Variants in DCUN1D4 observed in about 807,000 individuals in gnomAD.
The protein encoded by DCUN1D4 is defective in cullin neddylation 1 domain containing 4.
A neutral mutation model predicts 47.9 loss-of-function variants in DCUN1D4; 22 were observed. That is an observed-to-expected ratio of 0.46 (90% CI 0.33 to 0.66). DCUN1D4 has a LOEUF of 0.66. DCUN1D4 is among the 30% of genes least tolerant of loss of function. The pLI, the probability that DCUN1D4 is intolerant of heterozygous loss-of-function variation, is 0.02. For missense variants in DCUN1D4, 301 were observed against 340.8 expected (o/e 0.88, Z 0.92); for synonymous variants, 121 against 112.2 (o/e 1.08, Z -0.50).
intron 4 of DCUN1D4, among the ~76,000 whole-genome samples, chr4:51,876,574 A>T (rs1340431312): frequency 1.3e-5 from 2 of 152,238 alleles, no homozygotes; most frequent in African/African-American, 4.8e-5. Context: ...ATAATACAAA[A>T]AAAAAAGGAT....
intron 5 of DCUN1D4, 107 bp downstream of exon 5, chr4:51,877,961 G>T: frequency 1.5e-6 from 1 of 652,396 alleles, no homozygotes; most frequent in Admixed American, 2.7e-5. Flanking sequence ...TTGGGTGTGT[G>T]TGTGTGTGTG....
intron 1 of DCUN1D4, among the ~76,000 whole-genome samples, chr4:51,862,960 A>G (rs977323372): frequency 9.2e-5 from 14 of 152,304 alleles, no homozygotes; most frequent in Non-Finnish European, 1.8e-4. Context: ...GCAGTGAACC[A>G]TGATTGCACC....
chr4:51,887,445 T>C (rs1729689985), intron 6 of DCUN1D4, among the ~76,000 whole-genome samples: 1 of 152,208 alleles, frequency 6.6e-6, no homozygotes, highest in Non-Finnish European at 1.5e-5. Context: ...TTATTTTTAA[T>C]TAGAGTGATT....
At chr4:51,844,371 G>T in intron 1 of DCUN1D4, 3 of 985,032 alleles carry the variant, frequency 3.0e-6, no homozygotes, top group Non-Finnish European at 3.6e-6. Context: ...GGAACTGGCC[G>T]TGGTTCCCCC....
chr4:51,900,378 AC>A (rs1292299406), intron 8 of DCUN1D4, among the ~76,000 whole-genome samples: 1 of 152,006 alleles, frequency 6.6e-6, no homozygotes, highest in Non-Finnish European at 1.5e-5. Flanking sequence ...GATGTTAAAA[AC>A]GATAAGGTGA....
chr4:51,833,951 G>A, the DCUN1D4 span, among the ~76,000 whole-genome samples: 1 of 151,852 alleles, frequency 6.6e-6, no homozygotes, highest in Non-Finnish European at 1.5e-5. Context: ...TGTATACCAA[G>A]AGTAGAAGGG....
At chr4:51,846,919 G>C (rs1217272308) in intron 1 of DCUN1D4, among the ~76,000 whole-genome samples, 1 of 152,184 alleles carries the variant, frequency 6.6e-6, no homozygotes, top group Non-Finnish European at 1.5e-5. Flanking sequence ...GCCTGGATTG[G>C]AAAGCAGGGA....
intron 1 of DCUN1D4, among the ~76,000 whole-genome samples, chr4:51,855,962 G>A (rs181145460): frequency 7.9e-5 from 12 of 152,240 alleles, no homozygotes; most frequent in African/African-American, 2.2e-4. Flanking sequence ...CCCATATCAC[G>A]TGGTACAATT....
Position 51,911,185 on chromosome 4 carries a change from G to A in DCUN1D4, c.720+11G>A, listed in dbSNP as rs570762374. 6.2e-7 allele frequency: 1 copy of A among 1,600,932 alleles called. No homozygotes were observed. The highest frequency in any genetic ancestry group is 1.3e-5 in the African/African-American group (1 of 74,346). ...CACCAATTCTTAGAGGTACCAAATT[G>A]TTGTTTTATGAAATGTATGTTTGCT... On this transcript the variant is annotated intron_variant, in intron 9 of 10. Coordinates refer to ENST00000334635, the MANE Select transcript of DCUN1D4 (RefSeq NM_001040402.3).
intron 6 of DCUN1D4, among the ~76,000 whole-genome samples, chr4:51,888,374 C>T (rs1408035171): frequency 6.6e-6 from 1 of 152,132 alleles, no homozygotes; most frequent in Non-Finnish European, 1.5e-5. Context: ...TTCAAGTTTC[C>T]TCACCCCCAA....
chr4:51,855,743 A>G (rs1371282600), intron 1 of DCUN1D4, among the ~76,000 whole-genome samples: 1 of 152,212 alleles, frequency 6.6e-6, no homozygotes. Flanking sequence ...CAAATACAAC[A>G]TCTCAGTGAT....
chr4:51,878,752 CT>C (rs1255313223), intron 5 of DCUN1D4, among the ~76,000 whole-genome samples: 1 of 152,240 alleles, frequency 6.6e-6, no homozygotes, highest in South Asian at 2.1e-4. Flanking sequence ...GCTCTTACAT[CT>C]TTTAAACCCT....
rs1439874843 is a variant in DCUN1D4, at chr4:51,889,781, G to T, written c.415-1979G>T. On this transcript the variant is annotated intron_variant, in intron 6 of 10. Transcript: ENST00000334635. ...AGGGATGAGGAGAAAATCCACTAATGTGTGAATAATTTGAAGAACTGTAAC... is the reference window on the plus strand; with the variant it reads ...AGGGATGAGGAGAAAATCCACTAATTTGTGAATAATTTGAAGAACTGTAAC... 3.3e-5 allele frequency among the ~76,000 whole-genome samples: 5 copies of T among 152,272 alleles called. No homozygotes were observed. In the South Asian group the frequency reaches 6.2e-4, roughly 19 times the overall value.
chr4:51,856,148 GT>G (rs1724100622), intron 1 of DCUN1D4, among the ~76,000 whole-genome samples: 1 of 152,104 alleles, frequency 6.6e-6, no homozygotes, highest in Admixed American at 6.5e-5. Flanking sequence ...GTCCAATTTT[GT>G]TTTGCTTTTT....
chr4:51,904,132 G>T (rs1220677600), intron 8 of DCUN1D4, among the ~76,000 whole-genome samples: 1 of 151,864 alleles, frequency 6.6e-6, no homozygotes, highest in Non-Finnish European at 1.5e-5. Context: ...GAGTTTGTTT[G>T]TTTTTTAAGT....
At position 51,914,443 on chromosome 4, in the gene DCUN1D4, C is replaced by T. The variant is rs1353339315; in HGVS notation, c.*859C>T. On this transcript the variant is annotated 3_prime_UTR_variant, in exon 11 of 11. Transcript: ENST00000334635. ...TTGCCACTCTAAGTAAAATTTATTT[C>T]ACCTCCTCAATGAAAACCTCATGGT... is the stretch of plus-strand genomic sequence containing the variant. 6.6e-6 allele frequency: 1 copy of T among 152,394 alleles called. No homozygotes were observed. Among genetic ancestry groups the T allele is most frequent in the Non-Finnish European group, 1.5e-5 (1 of 68,000 alleles). 9.4% of individuals were successfully genotyped at this position (152,394 alleles called of 1,614,324 possible).
the DCUN1D4 span, among the ~76,000 whole-genome samples, chr4:51,835,843 A>G: frequency 1.3e-5 from 2 of 152,268 alleles, no homozygotes; most frequent in East Asian, 3.9e-4. Context: ...GGAATTGGGT[A>G]AAATTTCGAA....
chr4:51,885,558 G>A (rs781431885), intron 5 of DCUN1D4, among the ~76,000 whole-genome samples: 4 of 152,166 alleles, frequency 2.6e-5, no homozygotes, highest in South Asian at 2.1e-4. Flanking sequence ...GTGTAGTTAC[G>A]GCAGTTAAAC....
chr4:51,899,341 T>C lies in DCUN1D4; in HGVS notation c.578T>C (p.Phe193Ser). 1 of 1,608,612 alleles carries C rather than the reference T, an allele frequency of 6.2e-7. No homozygotes were observed. The highest frequency in any genetic ancestry group is 8.5e-7 in the Non-Finnish European group (1 of 1,177,750). The change falls in exon 8 of 11, where the codon TTT (phenylalanine) becomes TCT (serine). Residue 193 changes from phenylalanine to serine, a missense_variant. Phe to Ser is a radical substitution (Grantham distance 155, BLOSUM62 -2). Around this residue, in one of 2 missense-constraint regions of DCUN1D4, gnomAD observed 170 missense variants for 234.5 expected, o/e 0.73. Coordinates refer to ENST00000334635, the MANE Select transcript of DCUN1D4 (RefSeq NM_001040402.3). ...TCATTCTTAAATGATTCTACAAACTTTAAACTTATTTACAGATATGCGTTT... is the reference window on the plus strand; with the variant it reads ...TCATTCTTAAATGATTCTACAAACTCTAAACTTATTTACAGATATGCGTTT... ...LRSFLNDSTNFKLIYRYAFDF... is the reference protein window; with the variant it reads ...LRSFLNDSTNSKLIYRYAFDF...
Sources: gnomAD v4.1 joint callset for allele counts (sites outside exome capture counted in the v4.1 genomes callset) on GRCh38, gnomAD v4.1.1 for gene constraint, gnomAD v4.1.1 regional missense constraint, MANE v1.5 for transcripts, NCBI Gene and HGNC (gene_info 2026-07-23, HGNC 2026-07-21) for gene names.